ESRRG: variants seen among roughly 807,000 people sequenced by gnomAD.
ESRRG encodes the protein estrogen related receptor gamma.
In ESRRG, 13 loss-of-function variants were observed where a neutral mutation model predicts 44.0. The observed-to-expected ratio is 0.30, with a 90% confidence interval of 0.19 to 0.47. The LOEUF (loss-of-function observed/expected upper bound fraction) is 0.47, where lower values mean the gene tolerates loss of function less well. ESRRG is among the 20% of genes least tolerant of loss of function. The pLI, the probability that ESRRG is intolerant of heterozygous loss-of-function variation, is 1.00. For missense variants in ESRRG, 395 were observed against 580.6 expected, an observed-to-expected ratio of 0.68 and a Z score of 3.29; for synonymous variants, 215 against 214.6, an observed-to-expected ratio of 1.00 and a Z score of -0.02.
chr1:217,002,623 C>T (rs1048352289), intron 1 of ESRRG, among the ~76,000 whole-genome samples: 13 of 152,026 alleles, frequency 8.6e-5, no homozygotes, highest in Admixed American at 2.0e-4. Context: ...TACAATATGG[C>T]AGAAGTGATG....
chr1:217,090,271 C>T (rs1051045499), upstream of ESRRG, among the ~76,000 whole-genome samples: 2 of 152,094 alleles, frequency 1.3e-5, no homozygotes, highest in African/African-American at 4.8e-5. Context: ...TTGACCGTCA[C>T]CAATCCCCGC....
intron 1 of ESRRG, among the ~76,000 whole-genome samples, chr1:217,078,958 A>T (rs1422318193): frequency 6.6e-6 from 1 of 152,174 alleles, no homozygotes; most frequent in African/African-American, 2.4e-5. Flanking sequence ...CTCCAACAGA[A>T]CCAACTGTTG....
intron 2 of ESRRG, among the ~76,000 whole-genome samples, chr1:216,797,034 G>A (rs1396572217): frequency 2.6e-5 from 4 of 151,984 alleles, no homozygotes; most frequent in African/African-American, 9.7e-5. Flanking sequence ...TGGGATTACA[G>A]GCGTGTGCTG....
chr1:216,744,320 G>A (rs754681494), intron 2 of ESRRG, among the ~76,000 whole-genome samples: 5 of 152,222 alleles, frequency 3.3e-5, no homozygotes, highest in South Asian at 2.1e-4. Flanking sequence ...TGCACTAGGC[G>A]CTAAACAAAA....
At chr1:217,118,719 T>A (rs758380337) in intron 1 of ESRRG, among the ~76,000 whole-genome samples, 1 of 152,128 alleles carries the variant, frequency 6.6e-6, no homozygotes, top group Non-Finnish European at 1.5e-5. Flanking sequence ...AGGCTGGATG[T>A]GGTAGCTCTC....
At chr1:216,941,769 G>T (rs1056226057) in intron 1 of ESRRG, among the ~76,000 whole-genome samples, 1 of 152,176 alleles carries the variant, frequency 6.6e-6, no homozygotes. Flanking sequence ...GGGGGAAAAA[G>T]ATTGTAAACA....
At chr1:216,525,357 T>C (rs1309360377) in intron 5 of ESRRG, among the ~76,000 whole-genome samples, 1 of 152,146 alleles carries the variant, frequency 6.6e-6, no homozygotes, top group Non-Finnish European at 1.5e-5. Context: ...CCTACTTACC[T>C]AGTACTTCTG....
intron 1 of ESRRG, among the ~76,000 whole-genome samples, chr1:216,962,431 C>T (rs987382331): frequency 1.2e-4 from 18 of 152,106 alleles, no homozygotes; most frequent in Admixed American, 9.2e-4. Context: ...TGTTTAAAAA[C>T]GTGTTCCCAC....
intron 1 of ESRRG, among the ~76,000 whole-genome samples, chr1:216,720,544 C>T (rs1234026695): frequency 6.6e-6 from 1 of 152,022 alleles, no homozygotes; most frequent in African/African-American, 2.4e-5. Flanking sequence ...AAAAAAAAGG[C>T]ATCCCCTCTG....
At chr1:216,808,070 C>T (rs17041521) in intron 2 of ESRRG, among the ~76,000 whole-genome samples, 22,813 of 152,068 alleles carry the variant, frequency 0.15, 1,816 homozygotes, top group African/African-American at 0.17. Context: ...CATACTTAAC[C>T]TCCGTTCCAG....
chr1:217,118,382 T>C (rs7529632), intron 1 of ESRRG, among the ~76,000 whole-genome samples: 87 of 152,200 alleles, frequency 5.7e-4, no homozygotes, highest in African/African-American at 2.1e-3. Flanking sequence ...TTGCACTGTG[T>C]AGGTCTGGCC....
chr1:217,031,963 T>G (rs2082134262), intron 1 of ESRRG, among the ~76,000 whole-genome samples: 1 of 152,196 alleles, frequency 6.6e-6, no homozygotes, highest in African/African-American at 2.4e-5. Flanking sequence ...TATAGCAGCA[T>G]GAGAACAGAC....
chr1:216,746,904 C>T (rs2091463029), intron 2 of ESRRG, among the ~76,000 whole-genome samples: 1 of 152,126 alleles, frequency 6.6e-6, no homozygotes, highest in African/African-American at 2.4e-5. Flanking sequence ...TAACCATTTT[C>T]CTTAAAACGG....
chr1:216,888,268 A>C (rs769029259), intron 2 of ESRRG, among the ~76,000 whole-genome samples: 1 of 152,172 alleles, frequency 6.6e-6, no homozygotes, highest in Non-Finnish European at 1.5e-5. Context: ...TTAAAATCCA[A>C]TTCTGGGCTT....
chr1:216,915,470 TTTCAACACTTTGAACATTCAAAG>T (rs566577222), intron 2 of ESRRG, among the ~76,000 whole-genome samples: 6 of 152,206 alleles, frequency 3.9e-5, no homozygotes, highest in Admixed American at 6.5e-5. Context: ...GAAGGTGCTC[TTTCAACACTTTGAACATTCAAAG>T]TTCAACACTT....
chr1:216,710,396 T>A (rs934606022), intron 1 of ESRRG, among the ~76,000 whole-genome samples: 3 of 152,176 alleles, frequency 2.0e-5, no homozygotes, highest in African/African-American at 4.8e-5. Context: ...ATCTTTCCTG[T>A]CATTTGCAGA....
chr1:216,915,114 C>T (rs1310899700), intron 2 of ESRRG, among the ~76,000 whole-genome samples: 3 of 152,186 alleles, frequency 2.0e-5, no homozygotes, highest in Admixed American at 1.3e-4. Flanking sequence ...AGAATCTCTT[C>T]CATCTGCTGG....
chr1:216,718,649 A>G (rs1005352546), intron 1 of ESRRG, among the ~76,000 whole-genome samples: 17 of 152,104 alleles, frequency 1.1e-4, no homozygotes, highest in African/African-American at 4.1e-4. Flanking sequence ...TTAGGACATG[A>G]CAATTTAATA....
At chr1:217,092,665 G>A (rs558663632), upstream of ESRRG, among the ~76,000 whole-genome samples, 3 of 152,262 alleles carry the variant, frequency 2.0e-5, no homozygotes, top group Admixed American at 6.5e-5. Context: ...TCCCAGTGTC[G>A]AAGCTTTCAA....
Sources: allele counts gnomAD v4.1 joint callset (sites outside exome capture counted in the v4.1 genomes callset), GRCh38; gene constraint gnomAD v4.1.1; transcripts MANE v1.5; gene names NCBI Gene and HGNC (gene_info 2026-07-23, HGNC 2026-07-21).